Variants in MARCO observed in about 807,000 individuals in gnomAD.
The protein encoded by MARCO is macrophage receptor MARCO.
In MARCO, 72 loss-of-function variants were observed where a neutral mutation model predicts 70.0. That is an observed-to-expected ratio of 1.03 (90% CI 0.85 to 1.25). The LOEUF is 1.25. Ranked by LOEUF, MARCO falls within the 50% of genes most tolerant of loss-of-function variation. MARCO has a pLI of 0.00. For missense variants in MARCO, 696 were observed against 659.3 expected, an observed-to-expected ratio of 1.06 and a Z score of -0.61; for synonymous variants, 273 against 243.1, an observed-to-expected ratio of 1.12 and a Z score of -1.14.
chr2:118,994,235 C>T, intron 16 of MARCO, 152 bp from the exon 17 acceptor site: 1 of 766,786 alleles, frequency 1.3e-6, no homozygotes, highest in East Asian at 2.6e-5. Context: ...ACAGGCTAAG[C>T]CAGCCATCAG....
At chr2:118,983,739 C>T (rs1680435726) in intron 12 of MARCO, among the ~76,000 whole-genome samples, 1 of 152,046 alleles carries the variant, frequency 6.6e-6, no homozygotes, top group Non-Finnish European at 1.5e-5. Flanking sequence ...TGCCCCTGAG[C>T]CTTCTGTGTG....
intron 13 of MARCO, 74 bp downstream of exon 13, chr2:118,990,707 G>C: frequency 1.4e-6 from 2 of 1,436,418 alleles, no homozygotes; most frequent in Non-Finnish European, 2.0e-6. Flanking sequence ...GGCAGGTCTT[G>C]TTGACATTGA....
In MARCO at chr2:118,977,723, G is replaced by A. The variant is rs112574078; in HGVS notation, c.659-105G>A. Reference sequence around the variant, plus strand: ...AGCACATCCCCCAGAGGAAATCTGGGGATCCCATTCCCTTCTCTCCCAAAT... The same window carrying A: ...AGCACATCCCCCAGAGGAAATCTGGAGATCCCATTCCCTTCTCTCCCAAAT... On this transcript the variant is annotated intron_variant, in intron 7 of 16. Transcript: ENST00000327097. 2.6e-3 allele frequency: 2,416 copies of A among 919,664 alleles called. 33 individuals are homozygous for A. In the African/African-American group the frequency reaches 0.037, roughly 14 times the overall value. 57.0% of individuals were successfully genotyped at this position (919,664 alleles called of 1,614,324 possible). A position where few individuals can be genotyped will look rare whatever the true frequency, so the allele number is the denominator to read the frequency against.
chr2:118,947,260 C>A (rs1382802694), intron 1 of MARCO, among the ~76,000 whole-genome samples: 2 of 152,136 alleles, frequency 1.3e-5, no homozygotes, highest in African/African-American at 2.4e-5. Flanking sequence ...AGATTTTCTT[C>A]TCTATCTTAT....
At chr2:118,959,572 T>C (rs943590217) in intron 1 of MARCO, among the ~76,000 whole-genome samples, 2 of 152,160 alleles carry the variant, frequency 1.3e-5, no homozygotes, top group Non-Finnish European at 2.9e-5. Flanking sequence ...TGGAAAACAG[T>C]GTGGAGATTC....
intron 1 of MARCO, among the ~76,000 whole-genome samples, chr2:118,954,127 A>T (rs2104554559): frequency 6.6e-6 from 1 of 152,356 alleles, no homozygotes; most frequent in South Asian, 2.1e-4. Context: ...GAGAAGATCT[A>T]AAGCCCTTGT....
chr2:118,988,165 C>T (rs1680550733), intron 12 of MARCO, among the ~76,000 whole-genome samples: 1 of 152,112 alleles, frequency 6.6e-6, no homozygotes, highest in African/African-American at 2.4e-5. Flanking sequence ...TGGCGTGATG[C>T]AGGCAGCAGA....
intron 1 of MARCO, among the ~76,000 whole-genome samples, chr2:118,958,047 C>T (rs896447191): frequency 1.3e-5 from 2 of 151,908 alleles, no homozygotes; most frequent in Admixed American, 1.3e-4. Flanking sequence ...CAACATAATA[C>T]TGAATGGGGA....
intron 8 of MARCO, among the ~76,000 whole-genome samples, chr2:118,978,717 T>A (rs1375338517): frequency 6.6e-6 from 1 of 152,166 alleles, no homozygotes; most frequent in African/African-American, 2.4e-5. Context: ...AATAATTAAA[T>A]TAGATATATT....
chr2:118,958,085 G>A (rs1000599091), intron 1 of MARCO, among the ~76,000 whole-genome samples: 9 of 151,674 alleles, frequency 5.9e-5, no homozygotes, highest in Non-Finnish European at 1.0e-4. Context: ...CTCTGAGAAC[G>A]GGAACAAGAT....
At chr2:118,985,172 G>A (rs1023222696) in intron 12 of MARCO, among the ~76,000 whole-genome samples, 6 of 152,190 alleles carry the variant, frequency 3.9e-5, no homozygotes, top group African/African-American at 1.4e-4. Context: ...TTTGCTCACA[G>A]TGTCACAGGG....
At chr2:118,991,569 C>G (rs1244024403) in intron 13 of MARCO, among the ~76,000 whole-genome samples, 3 of 152,234 alleles carry the variant, frequency 2.0e-5, no homozygotes, top group African/African-American at 7.2e-5. Context: ...GCTATTTTAG[C>G]CTGCCTGTTC....
In MARCO at chr2:118,982,178, T is replaced by C. The variant is rs147872741; in HGVS notation, c.924T>C (p.Val308=). Residue 308 remains valine, a synonymous_variant, in exon 11 of 17, where the codon GTT becomes GTC. Coordinates refer to ENST00000327097, the MANE Select transcript of MARCO (RefSeq NM_006770.4). ...GDQGQPGLQG[V]PGPPGAVGHP... Reference sequence around the variant, plus strand: ...CAGGACAACCTGGACTGCAGGGTGTTCCGGGCCCTCCTGGTGCAGTGGGAC... The same window carrying C: ...CAGGACAACCTGGACTGCAGGGTGTCCCGGGCCCTCCTGGTGCAGTGGGAC... The C allele has an allele frequency of 2.2e-3, 3,532 of 1,612,412 alleles. 57 individuals carry two copies. The African/African-American group carries it at 0.038, about 17-fold the overall frequency.
At chr2:118,963,062 A>G (rs568480862) in intron 1 of MARCO, among the ~76,000 whole-genome samples, 2 of 151,644 alleles carry the variant, frequency 1.3e-5, no homozygotes, top group South Asian at 4.1e-4. Flanking sequence ...CTTTTGTTTC[A>G]TTGATTTTTC....
intron 10 of MARCO, 105 bp downstream of exon 10, chr2:118,981,761 C>A: frequency 3.4e-6 from 4 of 1,176,796 alleles, no homozygotes; most frequent in Non-Finnish European, 5.0e-6. Flanking sequence ...TAGTATTCAC[C>A]CAGAACACCT....
intron 1 of MARCO, chr2:118,945,055 G>C (rs1288925652): frequency 7.2e-5 from 11 of 152,096 alleles, no homozygotes; most frequent in African/African-American, 2.7e-4. Flanking sequence ...CCACCACAAA[G>C]ACTGCTTTAG....
chr2:118,980,052 A>G (rs1380607427), intron 8 of MARCO, among the ~76,000 whole-genome samples: 2 of 152,116 alleles, frequency 1.3e-5, no homozygotes, highest in African/African-American at 4.8e-5. Flanking sequence ...TTTGCTGGGG[A>G]GTGGAAGTTA....
chr2:118,982,883 CAGAGTCTAGG>C (rs1356162001), intron 12 of MARCO, among the ~76,000 whole-genome samples: 1 of 142,432 alleles, frequency 7.0e-6, no homozygotes, highest in African/African-American at 3.1e-5. Context: ...ATAATGCCAA[CAGAGTCTAGG>C]TTAGTCTAGG....
Position 118,994,524 on chromosome 2 carries a change from G to C in MARCO, c.*4G>C, listed in dbSNP as rs368941755. The C allele has an allele frequency of 3.2e-6, 5 of 1,575,224 alleles. No individual in the cohort carries two copies. The South Asian group carries it at 5.9e-5, about 19-fold the overall frequency. ...AGGCGTGGAGTGCAGCGTCTGACCC[G>C]GAAACCCTTTCACTTCTCTGCTCCC... is the stretch of plus-strand genomic sequence containing the variant. On this transcript the variant is annotated 3_prime_UTR_variant, in exon 17 of 17. Coordinates refer to ENST00000327097, the MANE Select transcript of MARCO (RefSeq NM_006770.4).
Sources: allele counts gnomAD v4.1 joint callset (sites outside exome capture counted in the v4.1 genomes callset), GRCh38; gene constraint gnomAD v4.1.1; transcripts MANE v1.5; gene names NCBI Gene and HGNC (gene_info 2026-07-23, HGNC 2026-07-21).